Variants in PDE10A observed in about 807,000 individuals in gnomAD.
PDE10A encodes phosphodiesterase 10A.
PDE10A carries 39 observed loss-of-function variants against 97.7 expected under a neutral mutation model. The ratio of observed to expected loss-of-function variants is 0.40; its 90% CI spans 0.31 to 0.52. The LOEUF (loss-of-function observed/expected upper bound fraction) is 0.52, where lower values mean the gene tolerates loss of function less well. Among genes scored for constraint, PDE10A ranks in the 20% least tolerant of loss-of-function variants. The pLI, the probability that PDE10A is intolerant of heterozygous loss-of-function variation, is 0.56. For synonymous variants in PDE10A, 371 were observed against 376.8 expected (o/e 0.98, Z 0.18); for missense variants, 731 against 1,047.8 (o/e 0.70, Z 4.17).
intron 2 of PDE10A, among the ~76,000 whole-genome samples, chr6:165,515,445 G>T: frequency 6.7e-6 from 1 of 149,804 alleles, no homozygotes; most frequent in African/African-American, 2.5e-5. Context: ...AAAATTATTG[G>T]TTTAATATTA....
At chr6:165,960,799 C>T (rs1023752237) in intron 1 of PDE10A, among the ~76,000 whole-genome samples, 4 of 152,042 alleles carry the variant, frequency 2.6e-5, no homozygotes, top group South Asian at 2.1e-4. Context: ...AGGCAGGGAG[C>T]GGGGTGGGAA....
chr6:165,929,463 G>C (rs1337183513), intron 1 of PDE10A, among the ~76,000 whole-genome samples: 1 of 152,196 alleles, frequency 6.6e-6, no homozygotes, highest in Non-Finnish European at 1.5e-5. Context: ...ACATTGCTGT[G>C]AAGGCCGTCA....
At position 165,498,423 on chromosome 6, in the gene PDE10A, CAAAAAAAAAAAAAAAAAAAAA is replaced by C. The variant is rs35069498; in HGVS notation, c.995-16101_995-16081del. Among the ~76,000 whole-genome samples, 133 of 22,890 alleles carry C rather than the reference CAAAAAAAAAAAAAAAAAAAAA, an allele frequency of 5.8e-3. 2 individuals are homozygous for C. In the South Asian group the frequency reaches 0.11, roughly 19 times the overall value. The allele number at this position is 22,890 out of a possible 152,430, so 15.0% of individuals were successfully genotyped here. ...GGATGACAGAGCAAGACCCTGTCTC[CAAAAAAAAAAAAAAAAAAAAA>C]AAAAAAAAAAAAAAAAAAAAAATCA... On this transcript the variant is annotated intron_variant, in intron 2 of 21. Coordinates refer to ENST00000539869, the MANE Select transcript of PDE10A (RefSeq NM_001385079.1).
chr6:165,855,546 T>G (rs1780708531), intron 1 of PDE10A, among the ~76,000 whole-genome samples: 1 of 151,458 alleles, frequency 6.6e-6, no homozygotes, highest in Non-Finnish European at 1.5e-5. Flanking sequence ...GGGGAGCATT[T>G]GGAGCACAGT....
intron 1 of PDE10A, among the ~76,000 whole-genome samples, chr6:165,552,717 G>A (rs1237204908): frequency 6.6e-6 from 1 of 152,026 alleles, no homozygotes; most frequent in Non-Finnish European, 1.5e-5. Context: ...TGTATCCTTC[G>A]GCTCTCATCA....
chr6:165,717,677 A>T (rs1479552044), intron 1 of PDE10A, among the ~76,000 whole-genome samples: 1 of 152,080 alleles, frequency 6.6e-6, no homozygotes, highest in Non-Finnish European at 1.5e-5. Flanking sequence ...TTATTCCGTA[A>T]TTCTATGTTT....
chr6:165,757,954 C>T (rs1255605734), intron 1 of PDE10A, among the ~76,000 whole-genome samples: 1 of 152,070 alleles, frequency 6.6e-6, no homozygotes, highest in Non-Finnish European at 1.5e-5. Context: ...AACAAAATTC[C>T]AAGCTTATTT....
intron 1 of PDE10A, among the ~76,000 whole-genome samples, chr6:165,922,927 T>A (rs1026326979): frequency 6.6e-6 from 1 of 152,110 alleles, no homozygotes; most frequent in African/African-American, 2.4e-5. Context: ...GAAACAAGGA[T>A]CCCAGCTAAT....
At chr6:165,825,085 T>C (rs1207634409) in intron 1 of PDE10A, among the ~76,000 whole-genome samples, 1 of 146,112 alleles carries the variant, frequency 6.8e-6, no homozygotes, top group African/African-American at 2.5e-5. Context: ...GAGGTGGAGG[T>C]TGCAGTGAGC....
At chr6:165,897,649 GGCTTCTTGCTTT>G (rs1485487528) in intron 1 of PDE10A, among the ~76,000 whole-genome samples, 5 of 136,458 alleles carry the variant, frequency 3.7e-5, no homozygotes, top group Admixed American at 7.6e-5. Flanking sequence ...CCCACCTCCA[GGCTTCTTGCTTT>G]GCTTCCTGCC....
chr6:165,923,456 A>T (rs1332732886), intron 1 of PDE10A, among the ~76,000 whole-genome samples: 1 of 152,240 alleles, frequency 6.6e-6, no homozygotes, highest in Non-Finnish European at 1.5e-5. Context: ...ATGTAGATAC[A>T]TTGGCTCACC....
At chr6:165,607,196 C>T (rs1017650719) in intron 1 of PDE10A, among the ~76,000 whole-genome samples, 1 of 152,194 alleles carries the variant, frequency 6.6e-6, no homozygotes, top group Non-Finnish European at 1.5e-5. Flanking sequence ...GCACAATGAG[C>T]ATGTACTACA....
chr6:165,873,158 G>T (rs1262926251), intron 1 of PDE10A, among the ~76,000 whole-genome samples: 1 of 152,172 alleles, frequency 6.6e-6, no homozygotes, highest in Non-Finnish European at 1.5e-5. Flanking sequence ...GGCTTCCTGT[G>T]CTGAGGCATG....
chr6:165,469,646 G>A (rs62443770), intron 3 of PDE10A, among the ~76,000 whole-genome samples: 14 of 152,138 alleles, frequency 9.2e-5, no homozygotes, highest in Middle Eastern at 3.4e-3. Context: ...CCATCTGGGT[G>A]AGAAGTTATC....
At chr6:165,341,760 A>G (rs1379012642) in intron 19 of PDE10A, among the ~76,000 whole-genome samples, 1 of 152,162 alleles carries the variant, frequency 6.6e-6, no homozygotes, top group East Asian at 1.9e-4. Context: ...TATAGGTGCT[A>G]TGGTGTTACG....
chr6:165,715,638 GCA>G (rs1342723838), intron 1 of PDE10A, among the ~76,000 whole-genome samples: 3 of 152,140 alleles, frequency 2.0e-5, no homozygotes, highest in Admixed American at 6.5e-5. Flanking sequence ...ACACACGTGC[GCA>G]CACACACAGA....
intron 3 of PDE10A, among the ~76,000 whole-genome samples, chr6:165,456,243 G>C (rs1243774967): frequency 6.6e-6 from 1 of 152,174 alleles, no homozygotes; most frequent in Non-Finnish European, 1.5e-5. Flanking sequence ...ACAATAGTGA[G>C]AGACCTAAGT....
chr6:165,816,011 G>A (rs560966129), intron 1 of PDE10A, among the ~76,000 whole-genome samples: 23 of 151,520 alleles, frequency 1.5e-4, no homozygotes, highest in South Asian at 8.4e-4. Context: ...GTGCAGTGGC[G>A]TGATCTCAAC....
At chr6:165,732,717 T>C (rs1031370074) in intron 1 of PDE10A, among the ~76,000 whole-genome samples, 1 of 152,248 alleles carries the variant, frequency 6.6e-6, no homozygotes, top group Non-Finnish European at 1.5e-5. Context: ...ATTCCCTATC[T>C]GGTCCCAGCG....
Sources: gnomAD v4.1 joint callset for allele counts (sites outside exome capture counted in the v4.1 genomes callset) on GRCh38, gnomAD v4.1.1 for gene constraint, MANE v1.5 for transcripts, NCBI Gene and HGNC (gene_info 2026-07-23, HGNC 2026-07-21) for gene names.